AGBL1: variants seen among roughly 807,000 people sequenced by gnomAD.
The protein encoded by AGBL1 is cytosolic carboxypeptidase 4.
A neutral mutation model predicts 118.9 loss-of-function variants in AGBL1; 130 were observed. The observed-to-expected ratio is 1.09, with a 90% CI of 0.95 to 1.26. The LOEUF (loss-of-function observed/expected upper bound fraction) is 1.26, where lower values mean the gene tolerates loss of function less well. AGBL1 is among the 50% of genes most tolerant of loss of function. AGBL1 has a pLI of 0.00. For synonymous variants in AGBL1, 555 were observed against 478.9 expected, an observed-to-expected ratio of 1.16 and a Z score of -2.08; for missense variants, 1,584 against 1,298.1, an observed-to-expected ratio of 1.22 and a Z score of -3.38.
At chr15:86,391,664 T>TC (rs1363756599) in intron 17 of AGBL1, among the ~76,000 whole-genome samples, 19 of 147,434 alleles carry the variant, frequency 1.3e-4, no homozygotes, top group African/African-American at 4.3e-4. Flanking sequence ...TTTTTTTTTT[T>TC]TGTGGTGCTT....
At chr15:86,250,085 G>A (rs922453680) in intron 7 of AGBL1, among the ~76,000 whole-genome samples, 1 of 152,180 alleles carries the variant, frequency 6.6e-6, no homozygotes, top group Admixed American at 6.5e-5. Context: ...TGGAAAAGCA[G>A]TTCAGGAGGG....
chr15:86,539,472 C>T (rs544019348), intron 19 of AGBL1, among the ~76,000 whole-genome samples: 4 of 152,288 alleles, frequency 2.6e-5, no homozygotes, highest in South Asian at 4.1e-4. Context: ...TTCTGTTCTT[C>T]GTTCTAATGA....
chr15:86,754,752 T>G (rs28561584), intron 22 of AGBL1, among the ~76,000 whole-genome samples: 31,936 of 151,978 alleles, frequency 0.21, 3,578 homozygotes, highest in South Asian at 0.26. Flanking sequence ...ATAAAGTGGT[T>G]TCTTTATTCC....
rs143561507 is a variant in AGBL1, at chr15:86,816,613, T to C, written c.3159-90474T>C. ...TCAGGATGAGAAAAAATACCTTATT[T>C]GAAAGCAATTCAGTTGAGGGGAAAA... On this transcript the variant is annotated intron_variant, in intron 22 of 22. Coordinates refer to ENST00000614907, the MANE Select transcript of AGBL1 (RefSeq NM_001386094.1). Among the ~76,000 whole-genome samples the C allele has an allele frequency of 2.0e-3, 298 of 152,198 alleles. 1 individual carries two copies. The highest frequency in any genetic ancestry group is 6.6e-3 in the African/African-American group (276 of 41,528).
intron 1 of AGBL1, among the ~76,000 whole-genome samples, chr15:86,099,806 G>T (rs567993478): frequency 6.6e-6 from 1 of 152,040 alleles, no homozygotes; most frequent in Non-Finnish European, 1.5e-5. Flanking sequence ...CATCATGCCT[G>T]GTTCCAATTA....
rs906857827 is a variant in AGBL1 at position 87,002,459 on chromosome 15, G to C, written c.3323+14371G>C. ...GGGCTTAGGATTGACTTGGCAATGT[G>C]GGCTCTTTTTTGGTTCCATATGAAC... On this transcript the variant is annotated intron_variant, in intron 24 of 24. Coordinates refer to the AGBL1 transcript ENST00000441037. Among the ~76,000 whole-genome samples, 172 of 151,938 alleles carry C rather than the reference G, an allele frequency of 1.1e-3. 1 individual carries two copies. The highest frequency in any genetic ancestry group is 3.9e-3 in the African/African-American group (161 of 41,378).
chr15:86,674,566 G>T (rs1261704943), intron 22 of AGBL1, 130 bp downstream of exon 22: 13 of 931,382 alleles, frequency 1.4e-5, no homozygotes, highest in Middle Eastern at 3.5e-4. Flanking sequence ...CCCAAGTAAA[G>T]GTAGGTACAC....
At chr15:86,571,502 A>G (rs1331677448) in intron 21 of AGBL1, among the ~76,000 whole-genome samples, 2 of 152,122 alleles carry the variant, frequency 1.3e-5, no homozygotes, top group Admixed American at 1.3e-4. Flanking sequence ...TAGAGAGGGT[A>G]CTTGCTCTCT....
chr15:86,295,981 T>C (rs775548942), intron 17 of AGBL1: 6 of 153,948 alleles, frequency 3.9e-5, no homozygotes, highest in Non-Finnish European at 5.8e-5. Context: ...TAGACACATG[T>C]AGACACAAAC....
chr15:86,101,510 T>A (rs1896716564), intron 1 of AGBL1, among the ~76,000 whole-genome samples: 1 of 152,162 alleles, frequency 6.6e-6, no homozygotes, highest in Non-Finnish European at 1.5e-5. Flanking sequence ...TACCTGTTCT[T>A]TTATATTTGA....
At chr15:86,683,397 A>G (rs1453432153) in intron 22 of AGBL1, among the ~76,000 whole-genome samples, 1 of 152,200 alleles carries the variant, frequency 6.6e-6, no homozygotes, top group Admixed American at 6.6e-5. Context: ...AAGATTGCAC[A>G]TGCCAAGGAG....
chr15:86,814,824 C>T (rs2078837531), intron 22 of AGBL1, among the ~76,000 whole-genome samples: 2 of 152,156 alleles, frequency 1.3e-5, no homozygotes. Flanking sequence ...ATTGCCTTTG[C>T]CTCATTTTCC....
At chr15:86,569,165 C>T (rs895323219) in intron 21 of AGBL1, among the ~76,000 whole-genome samples, 2 of 152,124 alleles carry the variant, frequency 1.3e-5, no homozygotes, top group Non-Finnish European at 2.9e-5. Context: ...GGCGCAATGG[C>T]TCATGCCTGT....
chr15:86,319,931 G>A (rs1327325385), intron 17 of AGBL1, among the ~76,000 whole-genome samples: 6 of 151,252 alleles, frequency 4.0e-5, no homozygotes, highest in Admixed American at 4.0e-4. Context: ...TAATTTTTGT[G>A]TTTTTAGTAG....
chr15:86,883,521 C>A (rs369041677), intron 22 of AGBL1, among the ~76,000 whole-genome samples: 2 of 152,136 alleles, frequency 1.3e-5, no homozygotes, highest in African/African-American at 4.8e-5. Context: ...TTCCTGCCTC[C>A]CCCTGACAGA....
chr15:86,556,306 T>C (rs752270), intron 21 of AGBL1: 1,017,145 of 1,596,386 alleles, frequency 0.64, 329,690 homozygotes, highest in African/African-American at 0.9. Context: ...AGCATTTATC[T>C]TGTGAAATTT....
intron 22 of AGBL1, among the ~76,000 whole-genome samples, chr15:86,746,008 G>A (rs2077751273): frequency 6.6e-6 from 1 of 152,042 alleles, no homozygotes; most frequent in East Asian, 1.9e-4. Context: ...CCAGGGCAGT[G>A]CAGGATAGTG....
intron 18 of AGBL1, among the ~76,000 whole-genome samples, chr15:86,510,084 A>C (rs1271485009): frequency 6.6e-6 from 1 of 152,080 alleles, no homozygotes; most frequent in African/African-American, 2.4e-5. Context: ...ATTGGCAGTC[A>C]GCATTGCTTT....
chr15:86,366,935 G>GTGGAC (rs1362246935), intron 17 of AGBL1, among the ~76,000 whole-genome samples: 1 of 152,216 alleles, frequency 6.6e-6, no homozygotes, highest in African/African-American at 2.4e-5. Context: ...ACCCGGGCTT[G>GTGGAC]TGGACCATGC....
Sources: gnomAD v4.1 joint callset for allele counts (sites outside exome capture counted in the v4.1 genomes callset) on GRCh38, gnomAD v4.1.1 for gene constraint, MANE v1.5 for transcripts, NCBI Gene and HGNC (gene_info 2026-07-23, HGNC 2026-07-21) for gene names.